ATP11B: variants seen among roughly 807,000 people sequenced by gnomAD.
ATP11B encodes phospholipid-transporting ATPase IF.
Under a neutral mutation model 157.8 loss-of-function variants are expected in ATP11B, and 81 were observed. The observed-to-expected ratio is 0.51, with a 90% confidence interval of 0.43 to 0.62. The LOEUF is 0.62. ATP11B is among the 20% of genes least tolerant of loss of function. The probability of loss-of-function intolerance (pLI) is 0.00; values close to 1 mark genes in which losing one functional copy is unlikely to be tolerated. For missense variants in ATP11B, 1,165 were observed against 1,402.2 expected (o/e 0.83, Z 2.70); for synonymous variants, 451 against 469.4 (o/e 0.96, Z 0.51).
chr3:182,842,349 C>A (rs1719116174), intron 8 of ATP11B, among the ~76,000 whole-genome samples: 1 of 152,152 alleles, frequency 6.6e-6, no homozygotes, highest in South Asian at 2.1e-4. Context: ...GAACTGCTTA[C>A]TTTTCTGATT....
chr3:182,814,623 C>A (rs973225694), intron 1 of ATP11B, among the ~76,000 whole-genome samples: 1 of 151,916 alleles, frequency 6.6e-6, no homozygotes, highest in African/African-American at 2.4e-5. Context: ...GCCTGGGCAA[C>A]ACAGTGAGAC....
intron 17 of ATP11B, among the ~76,000 whole-genome samples, chr3:182,871,590 G>A (rs1198637064): frequency 6.6e-6 from 1 of 152,106 alleles, no homozygotes; most frequent in African/African-American, 2.4e-5. Context: ...AGGAAATTAT[G>A]GTCTCCTTTG....
chr3:182,803,761 T>TGTTTGC, intron 1 of ATP11B, among the ~76,000 whole-genome samples: 1 of 152,202 alleles, frequency 6.6e-6, no homozygotes, highest in Non-Finnish European at 1.5e-5. Context: ...CCTCCACGAG[T>TGTTTGC]CTGTGTTGTT....
intron 19 of ATP11B, among the ~76,000 whole-genome samples, chr3:182,878,053 A>G (rs1265214549): frequency 1.3e-5 from 2 of 152,172 alleles, no homozygotes; most frequent in East Asian, 3.9e-4. Context: ...GTTGCCAAAT[A>G]AAGTTTGGCC....
chr3:182,897,493 T>A, intron 27 of ATP11B, 87 bp downstream of exon 27: 1 of 960,398 alleles, frequency 1.0e-6, no homozygotes, highest in Non-Finnish European at 1.5e-6. Context: ...CATATTCTGC[T>A]CATAACAGAT....
At chr3:182,808,198 C>T (rs1407245426) in intron 1 of ATP11B, among the ~76,000 whole-genome samples, 1 of 152,192 alleles carries the variant, frequency 6.6e-6, no homozygotes, top group Non-Finnish European at 1.5e-5. Flanking sequence ...TAGCTCTCCA[C>T]TATGCTCTTT....
intron 7 of ATP11B, among the ~76,000 whole-genome samples, chr3:182,838,014 GCTTCTT>G (rs1718686322): frequency 6.6e-6 from 1 of 152,030 alleles, no homozygotes; most frequent in African/African-American, 2.4e-5. Context: ...ATCACCCTCA[GCTTCTT>G]GTCATATTAT....
At chr3:182,869,532 C>T (rs565881944) in intron 17 of ATP11B, among the ~76,000 whole-genome samples, 1 of 152,274 alleles carries the variant, frequency 6.6e-6, no homozygotes, top group South Asian at 2.1e-4. Flanking sequence ...ACTCTACAGT[C>T]GGGGCATTTC....
At chr3:182,826,744 T>C (rs1018477755) in intron 2 of ATP11B, among the ~76,000 whole-genome samples, 2 of 152,218 alleles carry the variant, frequency 1.3e-5, no homozygotes, top group African/African-American at 4.8e-5. Flanking sequence ...TCTTTCCATA[T>C]CCCTGGGTCA....
intron 21 of ATP11B, among the ~76,000 whole-genome samples, chr3:182,884,052 C>T (rs1235685377): frequency 6.7e-6 from 1 of 149,880 alleles, no homozygotes; most frequent in Non-Finnish European, 1.5e-5. Flanking sequence ...CATTTTGGAA[C>T]ACTTTCATCC....
At position 182,859,311 on chromosome 3, in the gene ATP11B, T is replaced by C. The variant is rs1720653751; in HGVS notation, c.1152T>C (p.Asp384=). Reference sequence around the variant, plus strand: ...TTGATCTGTATCATGAAGAATCAGATCAGAAAGCTCAAGTCAATACTTCCG... The same window carrying C: ...TTGATCTGTATCATGAAGAATCAGACCAGAAAGCTCAAGTCAATACTTCCG... ...WDLDLYHEES[D]QKAQVNTSDL... Residue 384 remains aspartate (D), a synonymous_variant, in exon 12 of 30, where the codon GAT becomes GAC. Coordinates refer to ENST00000323116, the MANE Select transcript of ATP11B (RefSeq NM_014616.3). The C allele has an allele frequency of 6.2e-7, 1 of 1,610,142 alleles. No individual in the cohort carries two copies. Among genetic ancestry groups the C allele is most frequent in the East Asian group, 2.2e-5 (1 of 44,784 alleles).
chr3:182,887,775 TATTTATGTCTTGGTGATTA>T (rs1186732255), intron 24 of ATP11B, 62 bp downstream of exon 24: 111 of 1,519,794 alleles, frequency 7.3e-5, no homozygotes, highest in Admixed American at 4.2e-4. Flanking sequence ...TAAGCAGATT[TATTTATGTCTTGGTGATTA>T]ATGCTTTACT....
chr3:182,865,771 G>A (rs1721185073), intron 13 of ATP11B, 73 bp downstream of exon 13: 1 of 1,288,336 alleles, frequency 7.8e-7, no homozygotes, highest in Admixed American at 2.6e-5. Flanking sequence ...TGAGTTGCAG[G>A]AAAAAAAGTT....
chr3:182,884,885 A>AT lies in ATP11B; in HGVS notation c.2650dup (p.Tyr884LeufsTer2), dbSNP rs759638000. ...ATTAGAATAGCTACCCTTGTACAGT[A>AT]TTTTTTTTATAAGGTGAGTTTCATG... On this transcript the variant is annotated frameshift_variant, in exon 22 of 30. Transcript: ENST00000323116. LOFTEE classifies it high-confidence loss of function. 2.1e-5 allele frequency: 30 copies of AT among 1,431,684 alleles called. No homozygotes were observed. Among genetic ancestry groups the AT allele is most frequent in the Admixed American group, 9.1e-5 (4 of 43,724 alleles). 88.7% of individuals were successfully genotyped at this position (1,431,684 alleles called of 1,614,324 possible).
intron 2 of ATP11B, among the ~76,000 whole-genome samples, chr3:182,823,965 C>T (rs1463276601): frequency 6.6e-6 from 1 of 152,014 alleles, no homozygotes; most frequent in East Asian, 1.9e-4. Flanking sequence ...CAAAAAAAAT[C>T]TTTCATGGTC....
chr3:182,862,829 T>A (rs1372335807), intron 12 of ATP11B, among the ~76,000 whole-genome samples: 7 of 151,818 alleles, frequency 4.6e-5, no homozygotes, highest in Admixed American at 2.0e-4. Context: ...TTTTTTTTTT[T>A]ATCCTCATGG....
chr3:182,888,903 C>T (rs1439860026), intron 24 of ATP11B, among the ~76,000 whole-genome samples: 28 of 141,122 alleles, frequency 2.0e-4, no homozygotes, highest in Non-Finnish European at 6.0e-5. Context: ...CTCAGTCTGT[C>T]GTTAGGCTGA....
At chr3:182,872,315 G>C in intron 17 of ATP11B, 41 bp from the exon 18 acceptor site, 1 of 1,382,470 alleles carries the variant, frequency 7.2e-7, no homozygotes, top group African/African-American at 1.4e-5. Context: ...TTTGTTGTTT[G>C]TGTTCAATTT....
intron 12 of ATP11B, 57 bp downstream of exon 12, chr3:182,859,416 C>T: frequency 7.1e-7 from 1 of 1,405,314 alleles, no homozygotes; most frequent in Non-Finnish European, 9.6e-7. Context: ...CAAAGCAATA[C>T]ATGGACAAAG....
Sources: allele counts gnomAD v4.1 joint callset (sites outside exome capture counted in the v4.1 genomes callset), GRCh38; gene constraint gnomAD v4.1.1; transcripts MANE v1.5; gene names NCBI Gene and HGNC (gene_info 2026-07-23, HGNC 2026-07-21).